WBP1L: variants seen among roughly 807,000 people sequenced by gnomAD.
WBP1L encodes the protein WW domain binding protein 1-like.
WBP1L carries 17 observed loss-of-function variants against 33.7 expected under a neutral mutation model. That is an observed-to-expected ratio of 0.50 (90% confidence interval 0.34 to 0.76). WBP1L has a LOEUF of 0.76. Among genes scored for constraint, WBP1L ranks in the 30% least tolerant of loss-of-function variants. The probability of loss-of-function intolerance (pLI) is 0.01; values close to 1 mark genes in which losing one functional copy is unlikely to be tolerated. For missense variants in WBP1L, 389 were observed against 469.4 expected (o/e 0.83, Z 1.58); for synonymous variants, 173 against 190.8 (o/e 0.91, Z 0.77).
Position 102,769,617 on chromosome 10 carries a change from G to T in WBP1L, c.90+25474G>T, listed in dbSNP as rs558216307. ...AGGTCACAAGTAAGGGGGAAGTGAC[G>T]ATTAATATCAAAATCCTATCTGCAT... is the stretch of plus-strand genomic sequence containing the variant. On this transcript the variant is annotated intron_variant, in intron 1 of 3. Coordinates refer to ENST00000448841, the MANE Select transcript of WBP1L (RefSeq NM_001083913.2). 1.6e-4 allele frequency among the ~76,000 whole-genome samples: 24 copies of T among 152,232 alleles called. 1 individual carries two copies. In the South Asian group the frequency reaches 5.0e-3, roughly 32 times the overall value.
chr10:102,764,660 C>G (rs1269553693), intron 1 of WBP1L, among the ~76,000 whole-genome samples: 2 of 152,198 alleles, frequency 1.3e-5, no homozygotes, highest in Admixed American at 6.5e-5. Flanking sequence ...TCCCCACCCT[C>G]TACAACTTAT....
In WBP1L at chr10:102,790,050, C is replaced by T. The variant is rs140091039; in HGVS notation, c.91-7943C>T. 9.2e-3 allele frequency among the ~76,000 whole-genome samples: 1,399 copies of T among 152,144 alleles called. 17 individuals carry two copies. Among genetic ancestry groups the T allele is most frequent in the Non-Finnish European group, 0.01 (700 of 67,986 alleles). ...ACCACGCCCGGCCGAAATTTTGTAT[C>T]TTTAATCAGTCTTATATAGAAAATT... is the stretch of plus-strand genomic sequence containing the variant. On this transcript the variant is annotated intron_variant, in intron 1 of 3. Coordinates refer to ENST00000448841, the MANE Select transcript of WBP1L (RefSeq NM_001083913.2).
intron 1 of WBP1L, among the ~76,000 whole-genome samples, chr10:102,788,025 G>T (rs1008147481): frequency 3.3e-5 from 5 of 150,308 alleles, no homozygotes; most frequent in Admixed American, 1.3e-4. Context: ...GTTGCAGTGA[G>T]CCGAGATCGT....
intron 1 of WBP1L, among the ~76,000 whole-genome samples, chr10:102,769,163 T>G (rs1843153784): frequency 6.6e-6 from 1 of 152,180 alleles, no homozygotes; most frequent in South Asian, 2.1e-4. Flanking sequence ...TTTCTTAATT[T>G]TTGTAGAAAC....
intron 2 of WBP1L, among the ~76,000 whole-genome samples, chr10:102,800,118 C>T (rs73351810): frequency 6.6e-6 from 1 of 152,262 alleles, no homozygotes; most frequent in African/African-American, 2.4e-5. Context: ...CTAGAGGACA[C>T]ACAGTGCCAA....
intron 1 of WBP1L, among the ~76,000 whole-genome samples, chr10:102,755,636 G>A (rs887682726): frequency 6.6e-6 from 1 of 151,474 alleles, no homozygotes; most frequent in Non-Finnish European, 1.5e-5. Context: ...CAAGTGATCT[G>A]CCTGTCTTGG....
chr10:102,777,221 T>C (rs1843277204), intron 1 of WBP1L, among the ~76,000 whole-genome samples: 1 of 152,062 alleles, frequency 6.6e-6, no homozygotes, highest in Non-Finnish European at 1.5e-5. Flanking sequence ...TGTATCGGAA[T>C]GTGTAACTGT....
At chr10:102,769,356 C>CTTTTT (rs376863934) in intron 1 of WBP1L, among the ~76,000 whole-genome samples, 3 of 134,662 alleles carry the variant, frequency 2.2e-5, no homozygotes, top group Non-Finnish European at 3.4e-5. Flanking sequence ...TTTCTTTTTT[C>CTTTTT]TTTCTTTTTT....
At chr10:102,745,774 A>C (rs1842857725) in intron 1 of WBP1L, among the ~76,000 whole-genome samples, 2 of 152,182 alleles carry the variant, frequency 1.3e-5, no homozygotes, top group Admixed American at 1.3e-4. Context: ...CTCATTTTCT[A>C]GCCCAGTGTA....
At chr10:102,752,912 C>T (rs1202424214) in intron 1 of WBP1L, among the ~76,000 whole-genome samples, 2 of 152,158 alleles carry the variant, frequency 1.3e-5, no homozygotes, top group Non-Finnish European at 1.5e-5. Context: ...ATGTTTGAGC[C>T]GTCGGGTCTT....
At chr10:102,785,705 T>C (rs1219668655) in intron 1 of WBP1L, among the ~76,000 whole-genome samples, 2 of 152,190 alleles carry the variant, frequency 1.3e-5, no homozygotes, top group African/African-American at 4.8e-5. Context: ...GAGTGCCACC[T>C]GCTACTCACC....
intron 1 of WBP1L, among the ~76,000 whole-genome samples, chr10:102,751,355 T>C (rs1842922777): frequency 6.6e-6 from 1 of 150,728 alleles, no homozygotes; most frequent in Non-Finnish European, 1.5e-5. Flanking sequence ...TCTCCCTCTG[T>C]TGCCCAGGCT....
At chr10:102,754,957 C>CT (rs1223853909) in intron 1 of WBP1L, among the ~76,000 whole-genome samples, 76 of 145,442 alleles carry the variant, frequency 5.2e-4, no homozygotes, top group South Asian at 1.3e-3. Context: ...TACCTTTCAC[C>CT]TTTTTTTTTT....
intron 1 of WBP1L, among the ~76,000 whole-genome samples, chr10:102,780,218 T>TA (rs940753921): frequency 3.9e-5 from 6 of 152,014 alleles, no homozygotes; most frequent in Admixed American, 1.3e-4. Flanking sequence ...CAGTGTTGAC[T>TA]AAAAAAAATG....
At chr10:102,755,842 G>C (rs12781151) in intron 1 of WBP1L, among the ~76,000 whole-genome samples, 1 of 151,128 alleles carries the variant, frequency 6.6e-6, no homozygotes. Context: ...TCAGGAGATC[G>C]AGACCATCCT....
intron 2 of WBP1L, among the ~76,000 whole-genome samples, chr10:102,802,761 G>T (rs1382192005): frequency 2.6e-5 from 4 of 152,136 alleles, no homozygotes; most frequent in Non-Finnish European, 2.9e-5. Flanking sequence ...CTCCCAAAGT[G>T]CTGGGATTAC....
intron 1 of WBP1L, among the ~76,000 whole-genome samples, chr10:102,771,256 G>A (rs1046635145): frequency 2.0e-5 from 3 of 152,198 alleles, no homozygotes; most frequent in East Asian, 1.9e-4. Flanking sequence ...TGTTTTTGCA[G>A]TATGTCTTAA....
rs909249419 is a variant in WBP1L at position 102,794,636 on chromosome 10, G to A, written c.91-3357G>A. On this transcript the variant is annotated intron_variant, in intron 1 of 3. Coordinates refer to ENST00000448841, the MANE Select transcript of WBP1L (RefSeq NM_001083913.2). ...GTGGTGGCGTGCACCTGTAGTCCCA[G>A]CTACTCAGGAGGCTGAGGCAGGAGG... Among the ~76,000 whole-genome samples the A allele has an allele frequency of 3.3e-5, 5 of 152,180 alleles. No individual in the cohort carries two copies. In the East Asian group the frequency reaches 9.6e-4, roughly 29 times the overall value.
At position 102,779,808 on chromosome 10, in the gene WBP1L, G is replaced by A. The variant is rs530015752; in HGVS notation, c.91-18185G>A. ...AGGGACTGGGAGAGCAGAGCGTGGG[G>A]GCAGGTATCTGAATCAGGCTAGGAG... On this transcript the variant is annotated intron_variant, in intron 1 of 3. Coordinates refer to ENST00000448841, the MANE Select transcript of WBP1L (RefSeq NM_001083913.2). 3.9e-5 allele frequency among the ~76,000 whole-genome samples: 6 copies of A among 152,350 alleles called. No individual in the cohort carries two copies. In the South Asian group the frequency reaches 1.2e-3, roughly 32 times the overall value.
Sources: gnomAD v4.1 joint callset for allele counts (sites outside exome capture counted in the v4.1 genomes callset) on GRCh38, gnomAD v4.1.1 for gene constraint, MANE v1.5 for transcripts, NCBI Gene and HGNC (gene_info 2026-07-23, HGNC 2026-07-21) for gene names.